DEPDC4: variants seen among roughly 807,000 people sequenced by gnomAD.
The protein encoded by DEPDC4 is DEP domain-containing protein 4.
Under a neutral mutation model 52.0 loss-of-function variants are expected in DEPDC4, and 52 were observed. The ratio of observed to expected loss-of-function variants is 1.00; its 90% CI spans 0.80 to 1.26. The LOEUF is 1.26. DEPDC4 is among the 50% of genes most tolerant of loss of function. The pLI, the probability that DEPDC4 is intolerant of heterozygous loss-of-function variation, is 0.00. For synonymous variants in DEPDC4, 201 were observed against 196.8 expected (o/e 1.02, Z -0.18); for missense variants, 530 against 546.9 (o/e 0.97, Z 0.31).
chr12:100,268,488 C>T (rs1404823536), upstream of DEPDC4, among the ~76,000 whole-genome samples: 1 of 152,062 alleles, frequency 6.6e-6, no homozygotes, highest in Non-Finnish European at 1.5e-5. Flanking sequence ...TAAATTACTT[C>T]TTGAGGCAAC....
At chr12:100,238,845 C>A (rs2096147784), downstream of DEPDC4, among the ~76,000 whole-genome samples, 1 of 152,040 alleles carries the variant, frequency 6.6e-6, no homozygotes, top group East Asian at 1.9e-4. Flanking sequence ...AAGGTAAAAG[C>A]AAAATTTAGG....
downstream of DEPDC4, among the ~76,000 whole-genome samples, chr12:100,237,444 G>A (rs986528958): frequency 3.9e-5 from 6 of 152,118 alleles, no homozygotes; most frequent in Non-Finnish European, 8.8e-5. Flanking sequence ...CTGACCTCAG[G>A]TGATCCACCC....
At chr12:100,270,208 G>A (rs1416709333), upstream of DEPDC4, among the ~76,000 whole-genome samples, 1 of 151,966 alleles carries the variant, frequency 6.6e-6, no homozygotes, top group Non-Finnish European at 1.5e-5. Context: ...GGAGGGTCTC[G>A]ATCTCCTGAC....
At position 100,263,596 on chromosome 12, in the gene DEPDC4, T is replaced by C. The variant is rs1421881235; in HGVS notation, c.455A>G (p.Asp152Gly). Residue 152 changes from aspartate (D) to glycine (G), a missense_variant, in exon 2 of 10, where the codon GAT becomes GGT. By Grantham distance (94) the Asp-to-Gly change is moderately conservative. Transcript: ENST00000550587. ...FKKEKELEFE[D>G]SNISLYRFLG... is the part of the protein sequence containing the mutation. ...AAACCTGTAGAGACTAATGTTGGAA[T>C]CTTCAAATTCTAATTCCTTTTCTTT... 2.5e-6 allele frequency: 4 copies of C among 1,614,094 alleles called. No homozygotes were observed. Among genetic ancestry groups the C allele is most frequent in the Non-Finnish European group, 3.4e-6 (4 of 1,179,974 alleles).
the DEPDC4 span, among the ~76,000 whole-genome samples, chr12:100,274,722 C>T: frequency 6.6e-6 from 1 of 152,082 alleles, no homozygotes; most frequent in Non-Finnish European, 1.5e-5. Context: ...AAATTGTGAA[C>T]AAAGAAGTGG....
At chr12:100,271,281 A>AAAAG (rs869276181), upstream of DEPDC4, among the ~76,000 whole-genome samples, 12,316 of 127,388 alleles carry the variant, frequency 0.097, 870 homozygotes, top group Non-Finnish European at 0.14. Context: ...AAAAAAAAAA[A>AAAAG]AGAGAGAGAG....
upstream of DEPDC4, among the ~76,000 whole-genome samples, chr12:100,271,494 C>G (rs565944696): frequency 1.3e-5 from 2 of 152,204 alleles, no homozygotes; most frequent in East Asian, 3.9e-4. Flanking sequence ...ATGGTATTCT[C>G]TTATTTTCAG....
At chr12:100,277,200 ACCATTTTTAGTGAATGTT>A in the DEPDC4 span, among the ~76,000 whole-genome samples, 1 of 152,214 alleles carries the variant, frequency 6.6e-6, no homozygotes, top group Non-Finnish European at 1.5e-5. Context: ...CTACATGAAA[ACCATTTTTAGTGAATGTT>A]ACATGTCTGC....
intron 3 of DEPDC4, among the ~76,000 whole-genome samples, chr12:100,261,005 A>T (rs1011037816): frequency 2.0e-5 from 3 of 151,850 alleles, no homozygotes; most frequent in Admixed American, 6.6e-5. Context: ...ACATGGTGAA[A>T]CCCGTGTCTA....
chr12:100,244,164 T>C (rs944858509), intron 8 of DEPDC4, among the ~76,000 whole-genome samples: 1 of 140,120 alleles, frequency 7.1e-6, no homozygotes, highest in East Asian at 2.2e-4. Flanking sequence ...ACAATTTTAT[T>C]TTATGGTTTT....
At chr12:100,237,774 A>G (rs1313960354), downstream of DEPDC4, 1 of 152,222 alleles carries the variant, frequency 6.6e-6, no homozygotes, top group Non-Finnish European at 1.5e-5. Context: ...TATTAAAGGA[A>G]TAGCTCGATC....
chr12:100,271,667 A>T (rs2096287848), upstream of DEPDC4, among the ~76,000 whole-genome samples: 1 of 152,212 alleles, frequency 6.6e-6, no homozygotes, highest in Admixed American at 6.5e-5. Context: ...GAAAGTTATT[A>T]AATGTAACTT....
At chr12:100,255,979 T>TA in intron 4 of DEPDC4, 70 bp downstream of exon 4, 1 of 1,203,208 alleles carries the variant, frequency 8.3e-7, no homozygotes, top group Non-Finnish European at 1.2e-6. Context: ...TCTCACATCC[T>TA]AAAATACTAA....
chr12:100,258,797 G>A (rs1190819697), intron 3 of DEPDC4, among the ~76,000 whole-genome samples: 2 of 152,026 alleles, frequency 1.3e-5, no homozygotes, highest in Non-Finnish European at 2.9e-5. Flanking sequence ...CAGGCCAGGC[G>A]CGGTGGTTCA....
chr12:100,242,141 T>C lies in DEPDC4; in HGVS notation c.*47-296A>G, dbSNP rs2096161921. On this transcript the variant is annotated intron_variant, in intron 9 of 9. Transcript: ENST00000550587. Reference sequence around the variant, plus strand: ...CATGGCCAATAAGTTAAAGGCATGTTCAAAACATGAACAAAGAATGTCTGA... The same window carrying C: ...CATGGCCAATAAGTTAAAGGCATGTCCAAAACATGAACAAAGAATGTCTGA... Among the ~76,000 whole-genome samples, 3 of 152,150 alleles carry C rather than the reference T, an allele frequency of 2.0e-5. No homozygotes were observed. In the South Asian group the frequency reaches 6.2e-4, roughly 31 times the overall value.
At chr12:100,243,902 C>T (rs772877307) in intron 8 of DEPDC4, among the ~76,000 whole-genome samples, 12 of 151,702 alleles carry the variant, frequency 7.9e-5, no homozygotes, top group Non-Finnish European at 1.3e-4. Flanking sequence ...ATACATGGAA[C>T]CCTCCATCCT....
In DEPDC4 at chr12:100,265,509, T is replaced by G. The variant is rs541289680; in HGVS notation, c.157+1411A>C. ...TACTTGGGAAGCTGAGGCAGGAGAA[T>G]TGCTAGAACCAGGAGGTGGAGGTTG... On this transcript the variant is annotated intron_variant, in intron 1 of 9. Transcript: ENST00000550587. Among the ~76,000 whole-genome samples the G allele has an allele frequency of 1.8e-4, 28 of 152,126 alleles. 1 individual carries two copies. The South Asian group carries it at 5.8e-3, about 32-fold the overall frequency.
chr12:100,277,630 T>C, the DEPDC4 span, among the ~76,000 whole-genome samples: 2 of 152,216 alleles, frequency 1.3e-5, no homozygotes, highest in African/African-American at 4.8e-5. Context: ...AGCATATAGT[T>C]AGGTCTTGCT....
intron 5 of DEPDC4, among the ~76,000 whole-genome samples, 190 bp downstream of exon 5, chr12:100,253,299 T>C (rs1025905191): frequency 6.7e-6 from 1 of 148,716 alleles, no homozygotes; most frequent in African/African-American, 2.6e-5. Context: ...ATTAGTTACA[T>C]TTGATAATAT....
Sources: gnomAD v4.1 joint callset for allele counts (sites outside exome capture counted in the v4.1 genomes callset) on GRCh38, gnomAD v4.1.1 for gene constraint, MANE v1.5 for transcripts, NCBI Gene and HGNC (gene_info 2026-07-23, HGNC 2026-07-21) for gene names.